The following SCAPER variants were observed in gnomAD, a reference collection of about 807,000 sequenced individuals.
The protein encoded by SCAPER is S-phase cyclin A associated protein in the ER.
Under a neutral mutation model 182.2 loss-of-function variants are expected in SCAPER, and 98 were observed. The ratio of observed to expected loss-of-function variants is 0.54; its 90% CI spans 0.46 to 0.64. SCAPER has a LOEUF of 0.64. Ranked by LOEUF, SCAPER falls within the 30% of genes least tolerant of loss-of-function variation. The pLI is 0.00. For missense variants in SCAPER, 1,432 were observed against 1,690.0 expected, an observed-to-expected ratio of 0.85 and a Z score of 2.68; for synonymous variants, 605 against 564.6, an observed-to-expected ratio of 1.07 and a Z score of -1.01.
chr15:76,836,329 G>T (rs574506565), intron 5 of SCAPER, among the ~76,000 whole-genome samples: 15 of 152,172 alleles, frequency 9.9e-5, no homozygotes, highest in Non-Finnish European at 1.9e-4. Flanking sequence ...CATACTACAA[G>T]GCCATAGTAA....
At chr15:76,904,537 G>C (rs1017419381) in intron 1 of SCAPER, 1 of 152,216 alleles carries the variant, frequency 6.6e-6, no homozygotes, top group Non-Finnish European at 1.5e-5. Context: ...ACAGCAGCAG[G>C]TGTTGCTTAC....
At chr15:76,855,875 A>G in intron 4 of SCAPER, 1 of 436,988 alleles carries the variant, frequency 2.3e-6, no homozygotes, top group South Asian at 1.6e-5. Flanking sequence ...TTCCTCAAAG[A>G]GCTAAAAACA....
chr15:76,630,062 G>C (rs117308285), intron 21 of SCAPER, among the ~76,000 whole-genome samples: 10 of 152,230 alleles, frequency 6.6e-5, no homozygotes, highest in Non-Finnish European at 1.3e-4. Context: ...GGTATTTATA[G>C]TATTCTCTGA....
At chr15:76,792,643 G>A (rs11072625) in intron 8 of SCAPER, among the ~76,000 whole-genome samples, 41,548 of 152,134 alleles carry the variant, frequency 0.27, 6,467 homozygotes, top group East Asian at 0.56. Context: ...AGAAGCCCAG[G>A]AAATATCACT....
chr15:76,655,232 C>T (rs761316116), intron 21 of SCAPER, among the ~76,000 whole-genome samples: 1 of 152,066 alleles, frequency 6.6e-6, no homozygotes, highest in Non-Finnish European at 1.5e-5. Context: ...GCAAAAAACT[C>T]ACTTTGAGAA....
chr15:76,499,089 C>T (rs1177367136), intron 24 of SCAPER, among the ~76,000 whole-genome samples: 2 of 152,110 alleles, frequency 1.3e-5, no homozygotes, highest in Non-Finnish European at 2.9e-5. Context: ...AGGACAATGA[C>T]CTTAAGAATA....
chr15:76,784,982 T>C (rs2064468497), intron 8 of SCAPER, among the ~76,000 whole-genome samples: 1 of 152,196 alleles, frequency 6.6e-6, no homozygotes, highest in African/African-American at 2.4e-5. Context: ...AAAGACTTCA[T>C]GACTAAAACA....
At chr15:76,575,380 C>T (rs1039764212) in intron 22 of SCAPER, among the ~76,000 whole-genome samples, 8 of 152,188 alleles carry the variant, frequency 5.3e-5, no homozygotes, top group Admixed American at 5.2e-4. Flanking sequence ...CAAAAGTCCA[C>T]CCTTTCCTTT....
intron 22 of SCAPER, 57 bp from the exon 23 acceptor site, chr15:76,574,341 T>C: frequency 6.4e-7 from 1 of 1,565,610 alleles, no homozygotes; most frequent in Non-Finnish European, 8.7e-7. Flanking sequence ...ATAATCTTCA[T>C]TTCCCAAAAC....
chr15:76,564,456 G>A (rs1343968804), intron 23 of SCAPER, among the ~76,000 whole-genome samples: 3 of 152,048 alleles, frequency 2.0e-5, no homozygotes, highest in African/African-American at 7.2e-5. Context: ...CAGTCAACTA[G>A]GGAGGTAAAA....
chr15:76,765,329 T>G lies in SCAPER; in HGVS notation c.1613+8A>C. ...GAACCATTTCAAATTAATTTTCAAA[T>G]GCCAGACCTTTTACGAGAGGGTGAA... On this transcript the variant is annotated splice_region_variant and intron_variant, in intron 13 of 31. Transcript: ENST00000563290. 1 of 1,600,966 alleles carries G rather than the reference T, an allele frequency of 6.2e-7. No homozygotes were observed. Among genetic ancestry groups the G allele is most frequent in the Non-Finnish European group, 8.6e-7 (1 of 1,169,492 alleles).
intron 4 of SCAPER, among the ~76,000 whole-genome samples, chr15:76,856,675 T>G (rs1735544691): frequency 6.6e-6 from 1 of 151,844 alleles, no homozygotes; most frequent in African/African-American, 2.4e-5. Context: ...TAATACATAC[T>G]ATATACTTAA....
At chr15:76,782,384 G>A (rs2064219473) in intron 8 of SCAPER, among the ~76,000 whole-genome samples, 1 of 152,184 alleles carries the variant, frequency 6.6e-6, no homozygotes. Flanking sequence ...CATAAAGCAA[G>A]TCTTTAGAGA....
chr15:76,674,619 G>A (rs1447421196), intron 20 of SCAPER, among the ~76,000 whole-genome samples: 1 of 152,136 alleles, frequency 6.6e-6, no homozygotes, highest in Non-Finnish European at 1.5e-5. Flanking sequence ...CATGAAGGGA[G>A]GGCATACCTG....
intron 5 of SCAPER, among the ~76,000 whole-genome samples, chr15:76,830,363 T>C (rs2068360304): frequency 6.6e-6 from 1 of 152,140 alleles, no homozygotes; most frequent in African/African-American, 2.4e-5. Flanking sequence ...GAGACATATT[T>C]GTCATTTTCT....
intron 17 of SCAPER, among the ~76,000 whole-genome samples, chr15:76,718,431 G>A (rs1425281595): frequency 6.6e-6 from 1 of 152,116 alleles, no homozygotes; most frequent in Non-Finnish European, 1.5e-5. Flanking sequence ...GCTCATGCCT[G>A]TAATCCCAGC....
Position 76,514,977 on chromosome 15 carries a change from T to G in SCAPER, c.2839-10003A>C, listed in dbSNP as rs146831822. ...CTATAATCTACATAAATATCTATGC[T>G]CAGCTTTTCAGCTGTAGGCACTAAC... On this transcript the variant is annotated intron_variant, in intron 23 of 31. Transcript: ENST00000563290. 1.9e-3 allele frequency among the ~76,000 whole-genome samples: 288 copies of G among 152,308 alleles called. 1 individual carries two copies. Among genetic ancestry groups the G allele is most frequent in the African/African-American group, 6.8e-3 (281 of 41,572 alleles).
chr15:76,498,832 C>T (rs2040847981), intron 24 of SCAPER, among the ~76,000 whole-genome samples: 1 of 152,018 alleles, frequency 6.6e-6, no homozygotes, highest in African/African-American at 2.4e-5. Flanking sequence ...TCCTAGTGAA[C>T]AAAGCTCCAT....
At chr15:76,476,103 GGTT>G (rs2050604975) in intron 24 of SCAPER, among the ~76,000 whole-genome samples, 1 of 152,162 alleles carries the variant, frequency 6.6e-6, no homozygotes, top group Non-Finnish European at 1.5e-5. Context: ...TGTGGCTCTT[GGTT>G]GTTATTAGCA....
Sources: gnomAD v4.1 joint callset for allele counts (sites outside exome capture counted in the v4.1 genomes callset) on GRCh38, gnomAD v4.1.1 for gene constraint, MANE v1.5 for transcripts, NCBI Gene and HGNC (gene_info 2026-07-23, HGNC 2026-07-21) for gene names.